The following TMEM132C variants were observed in gnomAD, a reference collection of about 807,000 sequenced individuals.
TMEM132C encodes transmembrane protein 132C.
A neutral mutation model predicts 61.4 loss-of-function variants in TMEM132C; 29 were observed. The ratio of observed to expected loss-of-function variants is 0.47; its 90% CI spans 0.35 to 0.64. TMEM132C has a LOEUF of 0.64. TMEM132C is among the 30% of genes least tolerant of loss of function. TMEM132C has a pLI of 0.00. For synonymous variants in TMEM132C, 656 were observed against 633.1 expected (o/e 1.04, Z -0.54); for missense variants, 1,408 against 1,476.9 (o/e 0.95, Z 0.76).
chr12:128,520,720 G>A (rs1872878850), intron 2 of TMEM132C, among the ~76,000 whole-genome samples: 1 of 152,118 alleles, frequency 6.6e-6, no homozygotes, highest in South Asian at 2.1e-4. Flanking sequence ...AAACACAAAG[G>A]GTGGCTTGAC....
rs772670945 is a variant in TMEM132C, at chr12:128,705,365, C to T, written c.2397C>T (p.Phe799=). The T allele has an allele frequency of 2.1e-5, 33 of 1,551,324 alleles. No homozygotes were observed. The East Asian group carries it at 4.6e-4, about 22-fold the overall frequency. ...AVGVGNVRVK[F]GQNDADSSPG... is the part of the protein sequence containing the mutation. Reference sequence around the variant, plus strand: ...GCGTCGGCAACGTCAGGGTCAAGTTCGGACAGAACGATGCTGACTCCAGCC... The same window carrying T: ...GCGTCGGCAACGTCAGGGTCAAGTTTGGACAGAACGATGCTGACTCCAGCC... The change falls in exon 9 of 9, where the codon TTC becomes TTT. Residue 799 remains phenylalanine (F), a synonymous_variant. Coordinates refer to ENST00000435159, the MANE Select transcript of TMEM132C (RefSeq NM_001136103.3).
At chr12:128,634,968 G>A (rs535652311) in intron 4 of TMEM132C, among the ~76,000 whole-genome samples, 1 of 152,180 alleles carries the variant, frequency 6.6e-6, no homozygotes, top group Non-Finnish European at 1.5e-5. Flanking sequence ...CCTTTTCTAA[G>A]TATAACTGTC....
Position 128,467,647 on chromosome 12 carries a change from A to G in TMEM132C, c.974+52027A>G, listed in dbSNP as rs146599083. On this transcript the variant is annotated intron_variant, in intron 2 of 8. Coordinates refer to ENST00000435159, the MANE Select transcript of TMEM132C (RefSeq NM_001136103.3). ...GATTTTGGATCTTAACACAGCAGTG[A>G]TAAAGGAAGCAGGGAAAGGTTTCTG... Among the ~76,000 whole-genome samples, 85 of 152,272 alleles carry G rather than the reference A, an allele frequency of 5.6e-4. 1 individual carries two copies. In the East Asian group the frequency reaches 0.015, roughly 28 times the overall value.
At chr12:128,365,236 C>T (rs1905943) in intron 1 of TMEM132C, among the ~76,000 whole-genome samples, 7,756 of 152,118 alleles carry the variant, frequency 0.051, 685 homozygotes, top group African/African-American at 0.18. Context: ...TTCCCTTTGC[C>T]CCGACTGCAA....
chr12:128,281,595 C>A (rs1870898107), intron 1 of TMEM132C, among the ~76,000 whole-genome samples: 1 of 152,224 alleles, frequency 6.6e-6, no homozygotes, highest in African/African-American at 2.4e-5. Flanking sequence ...CTGCTCTGAA[C>A]CCTAGGAGGC....
intron 5 of TMEM132C, among the ~76,000 whole-genome samples, chr12:128,671,460 G>GA (rs2135632089): frequency 1.3e-5 from 2 of 152,152 alleles, no homozygotes; most frequent in South Asian, 4.2e-4. Flanking sequence ...ACACATCCAG[G>GA]AAAAAACAAA....
chr12:128,524,369 A>G (rs1357765114), intron 2 of TMEM132C, among the ~76,000 whole-genome samples: 3 of 152,202 alleles, frequency 2.0e-5, no homozygotes, highest in Admixed American at 6.5e-5. Context: ...GATGTGAATA[A>G]GCCCCAGGAG....
chr12:128,698,151 T>C (rs1222482019), intron 8 of TMEM132C, among the ~76,000 whole-genome samples: 3 of 118,558 alleles, frequency 2.5e-5, no homozygotes, highest in Non-Finnish European at 4.2e-5. Context: ...GCTCAATAAA[T>C]GTTGGTTGAG....
At position 128,399,425 on chromosome 12, in the gene TMEM132C, G is replaced by A. The variant is rs187586471; in HGVS notation, c.86-15307G>A. ...GCCTCTCTCTTTCAATAGATACAGC[G>A]AAACATTCTCAAACCATATGCTATG... On this transcript the variant is annotated intron_variant, in intron 1 of 8. Transcript: ENST00000435159. Among the ~76,000 whole-genome samples, 193 of 152,232 alleles carry A rather than the reference G, an allele frequency of 1.3e-3. 2 individuals are homozygous for A. Among genetic ancestry groups the A allele is most frequent in the African/African-American group, 4.5e-3 (185 of 41,542 alleles).
At chr12:128,471,573 G>A (rs1386640430) in intron 2 of TMEM132C, among the ~76,000 whole-genome samples, 1 of 152,204 alleles carries the variant, frequency 6.6e-6, no homozygotes, top group African/African-American at 2.4e-5. Flanking sequence ...GGATTAAAAT[G>A]GGAGGCAGCC....
chr12:128,378,381 G>C (rs1015111629), intron 1 of TMEM132C, among the ~76,000 whole-genome samples: 1 of 152,088 alleles, frequency 6.6e-6, no homozygotes, highest in Non-Finnish European at 1.5e-5. Context: ...CTCCCAAAGT[G>C]CTGGGATTAC....
At chr12:128,453,795 TAAG>T (rs1027220946) in intron 2 of TMEM132C, among the ~76,000 whole-genome samples, 3 of 152,226 alleles carry the variant, frequency 2.0e-5, no homozygotes, top group Admixed American at 6.5e-5. Context: ...AGTTTCAGAA[TAAG>T]AAGAAGGAAG....
intron 3 of TMEM132C, among the ~76,000 whole-genome samples, chr12:128,603,084 C>T (rs1876258650): frequency 6.6e-6 from 1 of 152,206 alleles, no homozygotes; most frequent in South Asian, 2.1e-4. Context: ...CCAGGCTTCT[C>T]CCCTCTCCAC....
intron 3 of TMEM132C, among the ~76,000 whole-genome samples, chr12:128,556,981 G>C (rs1362399473): frequency 6.6e-6 from 1 of 152,170 alleles, no homozygotes; most frequent in African/African-American, 2.4e-5. Context: ...GTGATTTGTA[G>C]CATAGCAACA....
In TMEM132C at chr12:128,695,445, G is replaced by A. The variant is rs114370145; in HGVS notation, c.1656-385G>A. ...AGGCTGAAGGAGGAGGATCACTTAA[G>A]CCCAGGAGTTCAAGGCTGCATTGAG... On this transcript the variant is annotated intron_variant, in intron 6 of 8. Transcript: ENST00000435159. 3.8e-3 allele frequency among the ~76,000 whole-genome samples: 581 copies of A among 152,168 alleles called. 4 individuals are homozygous for A. Among genetic ancestry groups the A allele is most frequent in the African/African-American group, 0.013 (534 of 41,498 alleles).
intron 1 of TMEM132C, among the ~76,000 whole-genome samples, chr12:128,344,638 T>C (rs1873091247): frequency 6.6e-6 from 1 of 152,204 alleles, no homozygotes; most frequent in African/African-American, 2.4e-5. Context: ...CACTTGCTAT[T>C]GCCCGTCTTT....
At position 128,542,838 on chromosome 12, in the gene TMEM132C, C is replaced by T. The variant is rs534058378; in HGVS notation, c.975-1119C>T. Among the ~76,000 whole-genome samples the T allele has an allele frequency of 7.7e-5, 10 of 129,412 alleles. No homozygotes were observed. The South Asian group carries it at 9.9e-4, about 13-fold the overall frequency. The allele number at this position is 129,412 out of a possible 152,430, so 84.9% of individuals were successfully genotyped here. ...ATTGCACCACTGTACTCCAGCCTAG[C>T]GACAGAACAATACTTCGATGCAAAA... On this transcript the variant is annotated intron_variant, in intron 2 of 8. Coordinates refer to ENST00000435159, the MANE Select transcript of TMEM132C (RefSeq NM_001136103.3).
At chr12:128,377,269 G>A (rs575000839) in intron 1 of TMEM132C, among the ~76,000 whole-genome samples, 2 of 152,290 alleles carry the variant, frequency 1.3e-5, no homozygotes, top group Non-Finnish European at 2.9e-5. Flanking sequence ...TGGTCAGGCT[G>A]GTCTTGAACT....
chr12:128,314,361 G>A (rs138700714), intron 1 of TMEM132C, among the ~76,000 whole-genome samples: 186 of 152,226 alleles, frequency 1.2e-3, no homozygotes, highest in African/African-American at 4.3e-3. Flanking sequence ...CCTTCTATTC[G>A]AGGCTGTTCA....
Sources: gnomAD v4.1 joint callset for allele counts (sites outside exome capture counted in the v4.1 genomes callset) on GRCh38, gnomAD v4.1.1 for gene constraint, MANE v1.5 for transcripts, NCBI Gene and HGNC (gene_info 2026-07-23, HGNC 2026-07-21) for gene names.